Variants in H3-3A observed in about 807,000 individuals in gnomAD.
The protein encoded by H3-3A is histone H3.3.
For missense variants in H3-3A, 7 were observed against 184.0 expected (o/e 0.04, Z 5.57); for synonymous variants, 49 against 61.4 (o/e 0.80, Z 0.95).
At chr1:226,069,385 A>G (rs1029901930) in intron 3 of H3-3A, among the ~76,000 whole-genome samples, 1 of 152,156 alleles carries the variant, frequency 6.6e-6, no homozygotes, top group African/African-American at 2.4e-5. Context: ...ATGCAACTAT[A>G]AGACTGTTTT....
intron 3 of H3-3A, among the ~76,000 whole-genome samples, chr1:226,070,364 C>T (rs977760659): frequency 8.6e-5 from 13 of 151,948 alleles, no homozygotes; most frequent in African/African-American, 2.2e-4. Flanking sequence ...CCGAGCTACT[C>T]GGGAGGCTGA....
chr1:226,064,916 ATTTCCTTCTGTAT>A (rs1288068438), intron 2 of H3-3A, among the ~76,000 whole-genome samples: 2 of 152,090 alleles, frequency 1.3e-5, no homozygotes, highest in Admixed American at 1.3e-4. Flanking sequence ...TGATTAGCTT[ATTTCCTTCTGTAT>A]TAGCTCTTTT....
intron 1 of H3-3A, among the ~76,000 whole-genome samples, chr1:226,063,621 C>T (rs981741416): frequency 6.6e-6 from 1 of 152,116 alleles, no homozygotes; most frequent in African/African-American, 2.4e-5. Context: ...TGCCGAGGGA[C>T]CCGAAGGAGG....
intron 3 of H3-3A, among the ~76,000 whole-genome samples, chr1:226,068,702 T>C (rs1454556330): frequency 2.0e-5 from 3 of 152,210 alleles, no homozygotes; most frequent in Non-Finnish European, 4.4e-5. Context: ...CTAGCAAATA[T>C]TGAAAATCTA....
upstream of H3-3A, chr1:226,062,699 G>T (rs1037205637): frequency 6.4e-6 from 1 of 155,556 alleles, no homozygotes. Context: ...TTGGGGGATA[G>T]CCTCGGTGTC....
At chr1:226,065,442 A>G (rs1657893259) in intron 2 of H3-3A, among the ~76,000 whole-genome samples, 2 of 152,194 alleles carry the variant, frequency 1.3e-5, no homozygotes, top group South Asian at 2.1e-4. Context: ...TCTTGCTAAG[A>G]ATGCATTTTA....
At chr1:226,067,585 A>G (rs1262148948) in intron 3 of H3-3A, among the ~76,000 whole-genome samples, 1 of 152,106 alleles carries the variant, frequency 6.6e-6, no homozygotes, top group African/African-American at 2.4e-5. Context: ...TACTAAAAAT[A>G]CAAAAAATTA....
intron 2 of H3-3A, 119 bp from the exon 3 acceptor site, chr1:226,065,537 C>G: frequency 1.6e-6 from 1 of 625,314 alleles, no homozygotes; most frequent in Middle Eastern, 3.9e-4. Flanking sequence ...GATACTGAAG[C>G]TGAAGAATTG....
In H3-3A at chr1:226,071,398, G is replaced by A. The variant is rs750750366; in HGVS notation, c.330G>A (p.Leu110=). The A allele has an allele frequency of 3.3e-6, 5 of 1,507,782 alleles. No individual in the cohort carries two copies. Among genetic ancestry groups the A allele is most frequent in the South Asian group, 2.3e-5 (2 of 88,534 alleles). 93.4% of individuals were successfully genotyped at this position (1,507,782 alleles called of 1,614,324 possible). A position where few individuals can be genotyped will look rare whatever the true frequency, so the allele number is the denominator to read the frequency against. The stretch of plus-strand genomic sequence containing the variant: ...TTGGCCTTTTTGAAGACACCAACCT[G>A]TGTGCTATCCATGCCAAACGTGTAA... ...YLVGLFEDTN[L]CAIHAKRVTI... Residue 110 remains leucine (L), a synonymous_variant, in exon 4 of 4, where the codon CTG becomes CTA. Coordinates refer to ENST00000366815, the MANE Select transcript of H3-3A (RefSeq NM_002107.7).
intron 1 of H3-3A, chr1:226,063,938 T>G (rs1407612844): frequency 4.5e-5 from 7 of 155,386 alleles, no homozygotes; most frequent in Middle Eastern, 3.4e-3. Context: ...ACCTTTTTTT[T>G]GCTGTAATTT....
At chr1:226,071,327 A>C (rs760304629) in intron 3 of H3-3A, 24 bp from the exon 4 acceptor site, 2 of 1,601,724 alleles carry the variant, frequency 1.2e-6, no homozygotes, top group East Asian at 4.5e-5. Context: ...ATCATCAGTA[A>C]TTTTTTCTTC....
At chr1:226,065,109 TA>T (rs918354223) in intron 2 of H3-3A, among the ~76,000 whole-genome samples, 5 of 152,146 alleles carry the variant, frequency 3.3e-5, no homozygotes, top group Non-Finnish European at 7.4e-5. Context: ...AATTACTTAG[TA>T]AAAAAAACTT....
chr1:226,064,734 G>A (rs1449134291), intron 2 of H3-3A, among the ~76,000 whole-genome samples: 1 of 152,116 alleles, frequency 6.6e-6, no homozygotes, highest in Non-Finnish European at 1.5e-5. Flanking sequence ...GTATATCACT[G>A]ATAATGTTAA....
intron 3 of H3-3A, among the ~76,000 whole-genome samples, chr1:226,070,240 G>A (rs1209727401): frequency 6.6e-6 from 1 of 152,168 alleles, no homozygotes; most frequent in African/African-American, 2.4e-5. Context: ...CCAGCACTTT[G>A]GGAGGCCGAG....
intron 3 of H3-3A, 116 bp downstream of exon 3, chr1:226,065,925 T>G (rs749370259): frequency 1.2e-6 from 1 of 826,538 alleles, no homozygotes; most frequent in Non-Finnish European, 2.1e-6. Context: ...GTAGTTGATA[T>G]TGTTACTTCA....
intron 3 of H3-3A, among the ~76,000 whole-genome samples, chr1:226,069,485 C>A (rs761073103): frequency 6.6e-6 from 1 of 152,106 alleles, no homozygotes; most frequent in Non-Finnish European, 1.5e-5. Context: ...GCTCCAGATC[C>A]AAAACTGTTG....
chr1:226,070,495 C>T (rs531329531), intron 3 of H3-3A, among the ~76,000 whole-genome samples: 14 of 150,232 alleles, frequency 9.3e-5, no homozygotes, highest in African/African-American at 3.2e-4. Context: ...AAGGAACTGC[C>T]GGGCGCGGTG....
intron 1 of H3-3A, among the ~76,000 whole-genome samples, chr1:226,063,250 C>T (rs983403003): frequency 6.6e-6 from 1 of 152,142 alleles, no homozygotes; most frequent in African/African-American, 2.4e-5. Context: ...TTTTTGCTGC[C>T]TCCCCACAGT....
intron 3 of H3-3A, among the ~76,000 whole-genome samples, chr1:226,069,097 A>G (rs1343214176): frequency 6.7e-6 from 1 of 148,390 alleles, no homozygotes; most frequent in East Asian, 2.0e-4. Flanking sequence ...CCTAGGCTGG[A>G]GTGCAGTGGT....
Sources: gnomAD v4.1 joint callset for allele counts (sites outside exome capture counted in the v4.1 genomes callset) on GRCh38, gnomAD v4.1.1 for gene constraint, MANE v1.5 for transcripts, NCBI Gene and HGNC (gene_info 2026-07-23, HGNC 2026-07-21) for gene names.